The following ALKAL1 variants were observed in gnomAD, a reference collection of about 807,000 sequenced individuals.
ALKAL1 encodes AUG-beta.
ALKAL1 carries 23 observed loss-of-function variants against 13.5 expected under a neutral mutation model. That is an observed-to-expected ratio of 1.70 (90% confidence interval 1.23 to 2.41). The LOEUF (loss-of-function observed/expected upper bound fraction) is 2.41, where lower values mean the gene tolerates loss of function less well. Among genes scored for constraint, ALKAL1 ranks in the 30% most tolerant of loss-of-function variants. The pLI, the probability that ALKAL1 is intolerant of heterozygous loss-of-function variation, is 0.00. For missense variants in ALKAL1, 181 were observed against 178.4 expected (o/e 1.01, Z -0.08); for synonymous variants, 85 against 77.7 (o/e 1.09, Z -0.49).
rs184797168 is a variant in ALKAL1 at position 52,543,535 on chromosome 8, G to A, written c.191-1090C>T. On this transcript the variant is annotated intron_variant, in intron 1 of 4. Coordinates refer to ENST00000358543, the MANE Select transcript of ALKAL1 (RefSeq NM_207413.4). Reference sequence around the variant, plus strand: ...GTTCAGGGCGTGATTGTGTGGGTGCGCAGGAATGCAGAGAGATCGGAGCTC... The same window carrying A: ...GTTCAGGGCGTGATTGTGTGGGTGCACAGGAATGCAGAGAGATCGGAGCTC... Among the ~76,000 whole-genome samples the A allele has an allele frequency of 2.0e-4, 31 of 152,296 alleles. No individual in the cohort carries two copies. In the East Asian group the frequency reaches 5.4e-3, roughly 27 times the overall value.
At chr8:52,541,187 G>A (rs1385800885) in intron 2 of ALKAL1, among the ~76,000 whole-genome samples, 1 of 152,178 alleles carries the variant, frequency 6.6e-6, no homozygotes, top group Non-Finnish European at 1.5e-5. Context: ...TCAAGATGTG[G>A]CAGGTGGGCC....
At chr8:52,542,829 A>C (rs891592976) in intron 1 of ALKAL1, among the ~76,000 whole-genome samples, 2 of 152,170 alleles carry the variant, frequency 1.3e-5, no homozygotes, top group South Asian at 2.1e-4. Flanking sequence ...CCTCACCCCT[A>C]CACCCAAACC....
intron 1 of ALKAL1, among the ~76,000 whole-genome samples, chr8:52,554,894 G>A (rs536050791): frequency 1.9e-4 from 29 of 152,298 alleles, no homozygotes; most frequent in African/African-American, 5.5e-4. Flanking sequence ...CGACAGGGCC[G>A]GGCACGGTGG....
At chr8:52,563,160 G>GT (rs1295568030) in intron 1 of ALKAL1, among the ~76,000 whole-genome samples, 6 of 152,326 alleles carry the variant, frequency 3.9e-5, no homozygotes, top group African/African-American at 1.4e-4. Context: ...GCTCATGCCT[G>GT]TAATTCCAGC....
rs1276971726 is a variant in ALKAL1, at chr8:52,538,444, T to G, written c.389A>C (p.Ter130SerextTer14). The G allele has an allele frequency of 6.2e-7, 1 of 1,600,018 alleles. No homozygotes were observed. The highest frequency in any genetic ancestry group is 8.6e-7 in the Non-Finnish European group (1 of 1,168,562). Residue 130 changes from the stop codon to serine (S), a stop_lost, in exon 4 of 5, where the codon TAG (stop) becomes TCG (serine). Transcript: ENST00000358543. ...LAVSPLCSQT[*>S] ...ATATATACTCACAGGGTAGTTTTGC[T>G]AGGTCTGGGAGCACAGTGGACTCAC...
In ALKAL1 at chr8:52,534,553, A is replaced by T. The variant is rs1462163789; in HGVS notation, c.*60T>A. 1.7e-6 allele frequency: 1 copy of T among 601,996 alleles called. No individual in the cohort carries two copies. The highest frequency in any genetic ancestry group is 2.9e-6 in the Non-Finnish European group (1 of 340,426). The allele number at this position is 601,996 out of a possible 1,614,324, so 37.3% of individuals were successfully genotyped here. On this transcript the variant is annotated 3_prime_UTR_variant, in exon 5 of 5. Transcript: ENST00000358543. ...TTCATCTTTTTTTACATTTTGCATG[A>T]TTTGAGGCACTTTTTCTTCAAATTA...
At chr8:52,540,245 CAAT>C (rs1281117905) in intron 2 of ALKAL1, among the ~76,000 whole-genome samples, 1 of 152,228 alleles carries the variant, frequency 6.6e-6, no homozygotes, top group East Asian at 1.9e-4. Flanking sequence ...GAAGTACAAA[CAAT>C]AAGTATCTTT....
chr8:52,552,021 T>C (rs1447622611), intron 1 of ALKAL1, among the ~76,000 whole-genome samples: 2 of 152,178 alleles, frequency 1.3e-5, no homozygotes, highest in Admixed American at 1.3e-4. Context: ...TCCATACTCC[T>C]TTCAGATTTC....
At chr8:52,535,628 T>C (rs775308886) in intron 4 of ALKAL1, among the ~76,000 whole-genome samples, 2 of 149,452 alleles carry the variant, frequency 1.3e-5, no homozygotes, top group Non-Finnish European at 3.0e-5. Context: ...TTGAGAGTAA[T>C]TGAATTAAGT....
chr8:52,550,375 C>A (rs1360010324), intron 1 of ALKAL1, among the ~76,000 whole-genome samples: 1 of 152,190 alleles, frequency 6.6e-6, no homozygotes, highest in Non-Finnish European at 1.5e-5. Flanking sequence ...TTTACTGGAA[C>A]ACAGTATGTT....
At chr8:52,535,302 C>T (rs548264782) in intron 4 of ALKAL1, among the ~76,000 whole-genome samples, 1 of 151,506 alleles carries the variant, frequency 6.6e-6, no homozygotes, top group Non-Finnish European at 1.5e-5. Flanking sequence ...AATTCCAACA[C>T]TTTGTGCAGC....
chr8:52,565,056 G>A lies in ALKAL1; in HGVS notation c.190+11C>T. On this transcript the variant is annotated intron_variant, in intron 1 of 4. Coordinates refer to ENST00000358543, the MANE Select transcript of ALKAL1 (RefSeq NM_207413.4). ...CAGGGCAAAGGATGGGGCGGGATGG[G>A]GACATCGTACCTGCGCTCCGGGAGC... 1 of 1,380,854 alleles carries A rather than the reference G, an allele frequency of 7.2e-7. No individual in the cohort carries two copies. The highest frequency in any genetic ancestry group is 9.4e-7 in the Non-Finnish European group (1 of 1,066,136). 85.5% of individuals were successfully genotyped at this position (1,380,854 alleles called of 1,614,324 possible).
chr8:52,563,741 G>A (rs1052518783), intron 1 of ALKAL1, among the ~76,000 whole-genome samples: 1 of 152,180 alleles, frequency 6.6e-6, no homozygotes, highest in African/African-American at 2.4e-5. Context: ...GGGCTCCCCA[G>A]TGGCCGGCTG....
At chr8:52,564,234 C>T (rs1847578894) in intron 1 of ALKAL1, among the ~76,000 whole-genome samples, 1 of 152,192 alleles carries the variant, frequency 6.6e-6, no homozygotes, top group African/African-American at 2.4e-5. Context: ...CTTCACCTTG[C>T]TCTGCTCTTG....
intron 4 of ALKAL1, among the ~76,000 whole-genome samples, 159 bp downstream of exon 4, chr8:52,538,271 TA>T (rs1313354901): frequency 1.3e-5 from 2 of 151,784 alleles, no homozygotes; most frequent in African/African-American, 4.8e-5. Flanking sequence ...GCTCACAATA[TA>T]AAAAAGAATA....
At chr8:52,540,704 C>G (rs1847304612) in intron 2 of ALKAL1, among the ~76,000 whole-genome samples, 2 of 152,156 alleles carry the variant, frequency 1.3e-5, no homozygotes, top group African/African-American at 4.8e-5. Context: ...CATTGCACTC[C>G]AGCCTGAGCA....
intron 1 of ALKAL1, among the ~76,000 whole-genome samples, chr8:52,552,700 C>T (rs1847441625): frequency 2.6e-5 from 4 of 152,156 alleles, no homozygotes; most frequent in Non-Finnish European, 1.5e-5. Context: ...TTTTACTTGG[C>T]TCCTGTGTTC....
intron 4 of ALKAL1, among the ~76,000 whole-genome samples, chr8:52,536,572 TAAC>T (rs1847268715): frequency 1.3e-5 from 2 of 152,210 alleles, no homozygotes; most frequent in South Asian, 4.1e-4. Flanking sequence ...GAGCAAGAAA[TAAC>T]TACATGTTCA....
At chr8:52,534,637 C>A in intron 4 of ALKAL1, 37 bp from the exon 5 acceptor site, 1 of 571,318 alleles carries the variant, frequency 1.8e-6, no homozygotes, top group Non-Finnish European at 3.1e-6. Context: ...CATTTATGAC[C>A]TGGTTTTTAG....
Sources: allele counts gnomAD v4.1 joint callset (sites outside exome capture counted in the v4.1 genomes callset), GRCh38; gene constraint gnomAD v4.1.1; transcripts MANE v1.5; gene names NCBI Gene and HGNC (gene_info 2026-07-23, HGNC 2026-07-21).